The following HOMER2 variants were observed in gnomAD, a reference collection of about 807,000 sequenced individuals.
The protein encoded by HOMER2 is homer protein homolog 2.
In HOMER2, 27 loss-of-function variants were observed where a neutral mutation model predicts 47.0. The observed-to-expected ratio is 0.57, with a 90% CI of 0.42 to 0.79. The LOEUF (loss-of-function observed/expected upper bound fraction) is 0.79, where lower values mean the gene tolerates loss of function less well. HOMER2 is among the 30% of genes least tolerant of loss of function. The probability of loss-of-function intolerance (pLI) is 0.00; values close to 1 mark genes in which losing one functional copy is unlikely to be tolerated. For missense variants in HOMER2, 443 were observed against 435.0 expected (o/e 1.02, Z -0.16); for synonymous variants, 161 against 163.8 (o/e 0.98, Z 0.13).
intron 1 of HOMER2, among the ~76,000 whole-genome samples, chr15:82,976,328 C>T (rs1392585246): frequency 2.6e-5 from 4 of 151,800 alleles, no homozygotes; most frequent in South Asian, 2.1e-4. Context: ...AGACGGAGTC[C>T]GCTCTGTCGC....
chr15:82,854,571 G>A, intron 6 of HOMER2, 73 bp downstream of exon 6: 1 of 1,479,320 alleles, frequency 6.8e-7, no homozygotes, highest in East Asian at 2.4e-5. Context: ...GGGAGAAAAA[G>A]GGTTGTGGGT....
chr15:82,868,541 A>ATATATATT lies in HOMER2; in HGVS notation c.295-4283_295-4282insAATATATA. 1.6e-3 allele frequency among the ~76,000 whole-genome samples: 112 copies of ATATATATT among 71,238 alleles called. 3 individuals carry two copies. The highest frequency in any genetic ancestry group is 9.4e-3 in the Middle Eastern group (1 of 106). 46.7% of individuals were successfully genotyped at this position (71,238 alleles called of 152,430 possible). On this transcript the variant is annotated intron_variant, in intron 3 of 8. Transcript: ENST00000450735. ...ATTTATTTTATATATATATATATAT[A>ATATATATT]TTTTTTTTTTTTTTTTTCCCCTTTT...
intron 1 of HOMER2, among the ~76,000 whole-genome samples, chr15:82,934,657 T>C (rs2054100010): frequency 6.6e-6 from 1 of 152,188 alleles, no homozygotes; most frequent in Non-Finnish European, 1.5e-5. Context: ...CGGTGGATCC[T>C]GCCCCCCTGC....
rs1162254209 is a variant in HOMER2, at chr15:82,855,325, C to CAAAAAAAA, written c.495-533_495-526dup. On this transcript the variant is annotated intron_variant, in intron 5 of 8. Transcript: ENST00000450735. ...TGGCGACAGAGCGAGACTCCATCTC[C>CAAAAAAAA]AAAAAAAAAAAAAAAAAAAAAAAAG... Among the ~76,000 whole-genome samples the CAAAAAAAA allele has an allele frequency of 7.3e-4, 45 of 61,502 alleles. 2 individuals carry two copies. The highest frequency in any genetic ancestry group is 3.0e-3 in the African/African-American group (41 of 13,730). 40.3% of individuals were successfully genotyped at this position (61,502 alleles called of 152,430 possible).
Position 82,859,304 on chromosome 15 carries a change from GTT to G in HOMER2, c.388-171_388-170del, listed in dbSNP as rs55861392. The stretch of plus-strand genomic sequence containing the variant: ...ATGCAGCAAAGACTAACAAGTTTTT[GTT>G]TTTTTTTTAAACAAACAAACAAACA... On this transcript the variant is annotated intron_variant, in intron 4 of 8. Transcript: ENST00000450735. 476 of 628,054 alleles carry G rather than the reference GTT, an allele frequency of 7.6e-4. 8 individuals carry two copies. The East Asian group carries it at 0.016, about 21-fold the overall frequency. The allele number at this position is 628,054 out of a possible 1,614,324, so 38.9% of individuals were successfully genotyped here. A position where few individuals can be genotyped will look rare whatever the true frequency, so the allele number is the denominator to read the frequency against.
At chr15:82,863,870 A>G (rs1031216274) in intron 4 of HOMER2, among the ~76,000 whole-genome samples, 1 of 152,248 alleles carries the variant, frequency 6.6e-6, no homozygotes, top group African/African-American at 2.4e-5. Flanking sequence ...CAGCACAGCC[A>G]GGAGACATGC....
At chr15:82,876,511 T>C (rs898707802) in intron 2 of HOMER2, among the ~76,000 whole-genome samples, 10 of 152,178 alleles carry the variant, frequency 6.6e-5, no homozygotes, top group African/African-American at 1.2e-4. Flanking sequence ...GTAGAAATCA[T>C]TGCAAGCCCT....
chr15:82,858,796 T>TCA (rs969092174), intron 5 of HOMER2, among the ~76,000 whole-genome samples: 23 of 151,882 alleles, frequency 1.5e-4, no homozygotes, highest in African/African-American at 2.4e-4. Flanking sequence ...TATCTCTCTC[T>TCA]CACACACACA....
chr15:82,914,378 TA>T (rs755003013), intron 1 of HOMER2, among the ~76,000 whole-genome samples: 2,248 of 108,940 alleles, frequency 0.021, 17 homozygotes, highest in Middle Eastern at 0.034. Flanking sequence ...ACTCCATCTT[TA>T]AAAAAAAAAA....
intron 1 of HOMER2, among the ~76,000 whole-genome samples, chr15:82,928,880 C>T (rs553640960): frequency 3.0e-5 from 4 of 133,022 alleles, no homozygotes; most frequent in South Asian, 4.5e-4. Context: ...AATCCTATTA[C>T]AGCCAGGAGA....
At chr15:82,979,636 G>T (rs190601875) in intron 1 of HOMER2, among the ~76,000 whole-genome samples, 1 of 152,234 alleles carries the variant, frequency 6.6e-6, no homozygotes, top group East Asian at 1.9e-4. Context: ...ACAAACAGAA[G>T]AGAAAGTTCA....
intron 2 of HOMER2, among the ~76,000 whole-genome samples, chr15:82,875,687 A>T (rs982365872): frequency 7.9e-5 from 12 of 152,184 alleles, no homozygotes; most frequent in African/African-American, 1.9e-4. Context: ...CTAAACAAAG[A>T]ATAGTTTCCC....
chr15:82,841,540 A>G (rs1002316991), exon 2 of HOMER2: 1 of 111,122 alleles, frequency 9.0e-6, no homozygotes, highest in African/African-American at 2.8e-5. Flanking sequence ...AATTTGATAT[A>G]TATATATCAA....
chr15:82,842,331 T>C (rs562391695), exon 2 of HOMER2: 41 of 152,180 alleles, frequency 2.7e-4, no homozygotes, highest in African/African-American at 9.9e-4. Flanking sequence ...TTTTGTTTTT[T>C]TGAGACAGAG....
At chr15:82,868,537 A>ATTT (rs2052060179) in intron 3 of HOMER2, among the ~76,000 whole-genome samples, 2 of 60,860 alleles carry the variant, frequency 3.3e-5, no homozygotes, top group Non-Finnish European at 7.0e-5. Flanking sequence ...ATATATATAT[A>ATTT]TATATTTTTT....
At chr15:82,956,169 G>A (rs542465508), upstream of HOMER2, among the ~76,000 whole-genome samples, 98 of 151,576 alleles carry the variant, frequency 6.5e-4, no homozygotes, top group African/African-American at 2.3e-3. Context: ...GAACTCAGGA[G>A]GCAGAGGTTG....
chr15:82,880,251 T>C (rs1424412895), intron 2 of HOMER2, among the ~76,000 whole-genome samples: 3 of 152,226 alleles, frequency 2.0e-5, no homozygotes, highest in African/African-American at 7.2e-5. Flanking sequence ...GCAGAGACTG[T>C]ACAACCTGAA....
chr15:82,971,206 G>A (rs1173138912), intron 1 of HOMER2, among the ~76,000 whole-genome samples: 1 of 152,164 alleles, frequency 6.6e-6, no homozygotes, highest in Non-Finnish European at 1.5e-5. Context: ...TAAAGATTGG[G>A]CTCTGGATCG....
intron 8 of HOMER2, among the ~76,000 whole-genome samples, chr15:82,850,270 C>T (rs2051349401): frequency 6.6e-6 from 1 of 152,266 alleles, no homozygotes; most frequent in African/African-American, 2.4e-5. Flanking sequence ...GACCACATTT[C>T]AGTTCCATCC....
Sources: gnomAD v4.1 joint callset for allele counts (sites outside exome capture counted in the v4.1 genomes callset) on GRCh38, gnomAD v4.1.1 for gene constraint, MANE v1.5 for transcripts, NCBI Gene and HGNC (gene_info 2026-07-23, HGNC 2026-07-21) for gene names.